The following SLF1 variants were observed in gnomAD, a reference collection of about 807,000 sequenced individuals.
SLF1 encodes the protein SMC5-SMC6 complex localization factor protein 1.
SLF1 carries 105 observed loss-of-function variants against 123.0 expected under a neutral mutation model. That is an observed-to-expected ratio of 0.85 (90% CI 0.73 to 1.00). SLF1 has a LOEUF of 1.00. SLF1 is among the 50% of genes least tolerant of loss of function. SLF1 has a pLI of 0.00. For synonymous variants in SLF1, 434 were observed against 406.6 expected (o/e 1.07, Z -0.81); for missense variants, 1,239 against 1,223.0 (o/e 1.01, Z -0.20).
chr5:94,691,255 T>G, intron 18 of SLF1: 1 of 265,080 alleles, frequency 3.8e-6, no homozygotes, highest in South Asian at 6.5e-5. Flanking sequence ...CATTTGGGGG[T>G]TTTATAGCAG....
intron 14 of SLF1, 73 bp from the exon 15 acceptor site, chr5:94,678,735 T>A: frequency 7.3e-7 from 1 of 1,364,354 alleles, no homozygotes; most frequent in East Asian, 2.5e-5. Flanking sequence ...CCTCAAAAAG[T>A]ATTCAAAATA....
intron 11 of SLF1, among the ~76,000 whole-genome samples, chr5:94,665,530 C>G (rs1375413500): frequency 2.0e-5 from 3 of 152,162 alleles, no homozygotes; most frequent in African/African-American, 4.8e-5. Flanking sequence ...GTGGGCAGAT[C>G]ACAAGGTCGG....
At chr5:94,683,953 T>C (rs147603237) in intron 15 of SLF1, among the ~76,000 whole-genome samples, 12 of 152,358 alleles carry the variant, frequency 7.9e-5, no homozygotes, top group Non-Finnish European at 2.9e-5. Context: ...CTTAAAGTTC[T>C]TACAGTCCAC....
At chr5:94,630,365 C>T in intron 3 of SLF1, 138 bp from the exon 4 acceptor site, 6 of 1,001,496 alleles carry the variant, frequency 6.0e-6, no homozygotes, top group Non-Finnish European at 8.4e-6. Context: ...CCCCAAAATG[C>T]ATAGTTCAAA....
At position 94,696,916 on chromosome 5, in the gene SLF1, C is replaced by T. The variant is rs1753542456; in HGVS notation, c.*1604C>T. ...AATATTATTTCCTTTCTAATTCTTA[C>T]CTCCTCTTTTGATTATAATGAATCA... On this transcript the variant is annotated 3_prime_UTR_variant, in exon 21 of 21. Coordinates refer to ENST00000265140, the MANE Select transcript of SLF1 (RefSeq NM_032290.4). 6.6e-6 allele frequency: 1 copy of T among 151,696 alleles called. No homozygotes were observed. The allele number at this position is 151,696 out of a possible 1,614,324, so 9.4% of individuals were successfully genotyped here. A position where few individuals can be genotyped will look rare whatever the true frequency, so the allele number is the denominator to read the frequency against.
intron 1 of SLF1, among the ~76,000 whole-genome samples, chr5:94,627,586 A>ATATATATGTG (rs1491470911): frequency 7.1e-5 from 2 of 28,072 alleles, no homozygotes; most frequent in African/African-American, 6.1e-4. Flanking sequence ...TGAAATTAAC[A>ATATATATGTG]TATATATATA....
intron 20 of SLF1, among the ~76,000 whole-genome samples, chr5:94,694,103 G>A (rs1045244204): frequency 6.6e-6 from 1 of 151,790 alleles, no homozygotes; most frequent in African/African-American, 2.4e-5. Context: ...TATAAGACTT[G>A]ACTGATGAAG....
At chr5:94,636,710 A>ATTTTTTTTTTTTTTTTTTTTTTT (rs140191160) in intron 4 of SLF1, among the ~76,000 whole-genome samples, 1 of 75,464 alleles carries the variant, frequency 1.3e-5, no homozygotes. Flanking sequence ...TATTTTACTG[A>ATTTTTTTTTTTTTTTTTTTTTTT]TTTTTTTTTT....
intron 4 of SLF1, among the ~76,000 whole-genome samples, chr5:94,630,944 T>C (rs1745131718): frequency 6.6e-6 from 1 of 152,200 alleles, no homozygotes; most frequent in Non-Finnish European, 1.5e-5. Flanking sequence ...TTGTTTTAGA[T>C]TATTCTGGAT....
intron 3 of SLF1, among the ~76,000 whole-genome samples, chr5:94,630,283 T>C (rs1178693918): frequency 6.6e-6 from 1 of 152,246 alleles, no homozygotes; most frequent in Non-Finnish European, 1.5e-5. Context: ...TTTAGAATTA[T>C]AATTATTTGT....
chr5:94,664,738 G>A (rs1454240615), intron 11 of SLF1, among the ~76,000 whole-genome samples: 1 of 152,162 alleles, frequency 6.6e-6, no homozygotes, highest in Non-Finnish European at 1.5e-5. Flanking sequence ...AAAGGAAAAT[G>A]TGTATTCCAT....
chr5:94,666,724 C>T (rs990291729), intron 12 of SLF1, among the ~76,000 whole-genome samples: 2 of 152,198 alleles, frequency 1.3e-5, no homozygotes, highest in Admixed American at 1.3e-4. Flanking sequence ...GTAACCTCTA[C>T]CTCCCAGGCT....
rs760254088 is a variant in SLF1, at chr5:94,628,876, G to A, written c.66G>A (p.Ala22=). ...GATTTAAGATGGAAGAAAAAGAAGCGCTAGTCAAATTACTTTTAAAACTAG... is the reference window on the plus strand; with the variant it reads ...GATTTAAGATGGAAGAAAAAGAAGCACTAGTCAAATTACTTTTAAAACTAG... ...MTGFKMEEKE[A]LVKLLLKLDC... Residue 22 remains alanine (A), a synonymous_variant, in exon 2 of 21, where the codon GCG becomes GCA. Transcript: ENST00000265140. 9.2e-5 allele frequency: 143 copies of A among 1,549,684 alleles called. No homozygotes were observed. The highest frequency in any genetic ancestry group is 3.3e-4 in the Middle Eastern group (2 of 6,000).
chr5:94,639,392 T>G (rs544789747), intron 4 of SLF1, among the ~76,000 whole-genome samples: 9 of 152,308 alleles, frequency 5.9e-5, no homozygotes, highest in Non-Finnish European at 1.2e-4. Context: ...TCTTTTCCAC[T>G]AGTTCAGTGT....
intron 12 of SLF1, among the ~76,000 whole-genome samples, chr5:94,666,445 A>G (rs907072762): frequency 6.6e-6 from 1 of 152,218 alleles, no homozygotes; most frequent in African/African-American, 2.4e-5. Context: ...GAATTTTAAA[A>G]CAGAACTTAA....
chr5:94,653,129 T>A, intron 7 of SLF1, 143 bp from the exon 8 acceptor site: 5 of 721,714 alleles, frequency 6.9e-6, no homozygotes, highest in Non-Finnish European at 1.1e-5. Flanking sequence ...AGTGCAGAGA[T>A]TACAGGCATG....
At chr5:94,635,481 A>G (rs1745670562) in intron 4 of SLF1, among the ~76,000 whole-genome samples, 1 of 148,990 alleles carries the variant, frequency 6.7e-6, no homozygotes. Context: ...TTTGTTTTCC[A>G]GTTGATTTGT....
chr5:94,646,502 A>G (rs578219320), intron 5 of SLF1, among the ~76,000 whole-genome samples: 1 of 152,360 alleles, frequency 6.6e-6, no homozygotes, highest in South Asian at 2.1e-4. Context: ...TGCAATTCAT[A>G]TGAATCGTGC....
intron 4 of SLF1, among the ~76,000 whole-genome samples, chr5:94,634,323 A>G (rs914087183): frequency 6.6e-6 from 1 of 152,028 alleles, no homozygotes; most frequent in African/African-American, 2.4e-5. Flanking sequence ...CCCCACCTCC[A>G]TCCAGCCTTT....
Sources: gnomAD v4.1 joint callset for allele counts (sites outside exome capture counted in the v4.1 genomes callset) on GRCh38, gnomAD v4.1.1 for gene constraint, MANE v1.5 for transcripts, NCBI Gene and HGNC (gene_info 2026-07-23, HGNC 2026-07-21) for gene names.